ATP2B1: variants seen among roughly 807,000 people sequenced by gnomAD.
ATP2B1 encodes the protein ATPase plasma membrane Ca2+ transporting 1.
In ATP2B1, 14 loss-of-function variants were observed where a neutral mutation model predicts 124.2. The ratio of observed to expected loss-of-function variants is 0.11; its 90% confidence interval spans 0.07 to 0.18. ATP2B1 has a LOEUF of 0.18. Ranked by LOEUF, ATP2B1 falls within the 10% of genes least tolerant of loss-of-function variation. The pLI, the probability that ATP2B1 is intolerant of heterozygous loss-of-function variation, is 1.00. For missense variants in ATP2B1, 763 were observed against 1,466.1 expected, an observed-to-expected ratio of 0.52 and a Z score of 7.83; for synonymous variants, 449 against 492.4, an observed-to-expected ratio of 0.91 and a Z score of 1.17.
In ATP2B1 at chr12:89,589,116, A is replaced by G. The variant is rs1873112688; in HGVS notation, c.*1868T>C. On this transcript the variant is annotated 3_prime_UTR_variant, in exon 21 of 21. Coordinates refer to ENST00000428670, the MANE Select transcript of ATP2B1 (RefSeq NM_001366521.1). The stretch of plus-strand genomic sequence containing the variant: ...ACAATTACAAATGCTGACAGAGCCA[A>G]TGTGTTTCTAAGACCTGCAGAGGAT... The G allele has an allele frequency of 6.6e-6, 1 of 152,652 alleles. No individual in the cohort carries two copies. Among genetic ancestry groups the G allele is most frequent in the Non-Finnish European group, 1.5e-5 (1 of 68,030 alleles). The allele number at this position is 152,652 out of a possible 1,614,324, so 9.5% of individuals were successfully genotyped here. A position where few individuals can be genotyped will look rare whatever the true frequency, so the allele number is the denominator to read the frequency against.
At chr12:89,637,434 C>T (rs1399616600) in intron 3 of ATP2B1, among the ~76,000 whole-genome samples, 1 of 139,254 alleles carries the variant, frequency 7.2e-6, no homozygotes, top group Non-Finnish European at 1.5e-5. Flanking sequence ...TTTTTTGAGA[C>T]AGAGTCTCAC....
intron 1 of ATP2B1, among the ~76,000 whole-genome samples, chr12:89,687,558 C>A (rs988666269): frequency 6.6e-6 from 1 of 151,904 alleles, no homozygotes. Context: ...AATTAATCCC[C>A]CATGGAAACT....
At chr12:89,670,270 AAAT>A (rs2136509031) in intron 1 of ATP2B1, among the ~76,000 whole-genome samples, 1 of 152,300 alleles carries the variant, frequency 6.6e-6, no homozygotes, top group East Asian at 1.9e-4. Context: ...ATTCTTTTCT[AAAT>A]AATAATAAAA....
chr12:89,668,805 T>C (rs377406078), intron 1 of ATP2B1, among the ~76,000 whole-genome samples: 1 of 152,174 alleles, frequency 6.6e-6, no homozygotes, highest in African/African-American at 2.4e-5. Flanking sequence ...TCTCATCCAT[T>C]TGTTCCAATA....
rs1882435283 is a variant in ATP2B1 at position 89,634,820 on chromosome 12, G to C, written c.745C>G (p.His249Asp). Reference sequence around the variant, plus strand: ...TCCTTATCTAAAGACTTTTTAACATGATCTGATTCACCAGTCAATGAGCTT... The same window carrying C: ...TCCTTATCTAAAGACTTTTTAACATCATCTGATTCACCAGTCAATGAGCTT... ...DESSLTGESD[H>D]VKKSLDKDPL... Residue 249 changes from histidine to aspartate, a missense_variant, in exon 5 of 21, where the codon CAT becomes GAT. By Grantham distance (81) the His-to-Asp change is moderately conservative (BLOSUM62 -1). This residue lies in a region of ATP2B1 where 392 missense variants were observed against 776.6 expected (regional missense o/e 0.50). Coordinates refer to ENST00000428670, the MANE Select transcript of ATP2B1 (RefSeq NM_001366521.1). 1 of 1,610,868 alleles carries C rather than the reference G, an allele frequency of 6.2e-7. No individual in the cohort carries two copies. The highest frequency in any genetic ancestry group is 8.5e-7 in the Non-Finnish European group (1 of 1,178,528).
At chr12:89,703,778 A>G (rs1195692946) in intron 1 of ATP2B1, among the ~76,000 whole-genome samples, 1 of 152,162 alleles carries the variant, frequency 6.6e-6, no homozygotes, top group Non-Finnish European at 1.5e-5. Flanking sequence ...GATTGTCACA[A>G]AAACCATCGA....
intron 1 of ATP2B1, among the ~76,000 whole-genome samples, chr12:89,696,430 A>G (rs1891138905): frequency 6.6e-6 from 1 of 152,226 alleles, no homozygotes; most frequent in Admixed American, 6.5e-5. Flanking sequence ...AAAACATCCA[A>G]TAACAAGGGA....
At chr12:89,615,778 A>G (rs997084438) in intron 12 of ATP2B1, among the ~76,000 whole-genome samples, 1 of 152,198 alleles carries the variant, frequency 6.6e-6, no homozygotes, top group Non-Finnish European at 1.5e-5. Flanking sequence ...TTTTAAGCAC[A>G]TGTGTTTTAG....
chr12:89,605,077 A>AT (rs1876575413), intron 15 of ATP2B1, among the ~76,000 whole-genome samples: 1 of 152,212 alleles, frequency 6.6e-6, no homozygotes, highest in Non-Finnish European at 1.5e-5. Flanking sequence ...TCTGACAAAC[A>AT]TAATGCTGAA....
At chr12:89,705,008 A>C (rs1448418659) in intron 1 of ATP2B1, among the ~76,000 whole-genome samples, 1 of 152,146 alleles carries the variant, frequency 6.6e-6, no homozygotes, top group Admixed American at 6.6e-5. Flanking sequence ...TTAAGATATA[A>C]ATGAAATGTG....
chr12:89,617,488 G>A (rs576022637), intron 11 of ATP2B1, among the ~76,000 whole-genome samples: 50 of 152,030 alleles, frequency 3.3e-4, no homozygotes, highest in African/African-American at 1.2e-3. Flanking sequence ...CACCTATATT[G>A]TTTTAACCAT....
chr12:89,604,474 A>G, intron 15 of ATP2B1, 128 bp from the exon 16 acceptor site: 1 of 652,286 alleles, frequency 1.5e-6, no homozygotes, highest in South Asian at 2.5e-5. Context: ...AATTTACACT[A>G]AAAGAAGGTA....
At chr12:89,666,413 T>TAC (rs1208000034) in intron 1 of ATP2B1, among the ~76,000 whole-genome samples, 1 of 152,256 alleles carries the variant, frequency 6.6e-6, no homozygotes, top group Non-Finnish European at 1.5e-5. Flanking sequence ...GGAATTGTTC[T>TAC]ATTTTCAAAA....
At chr12:89,680,145 A>G (rs1469046324) in intron 1 of ATP2B1, among the ~76,000 whole-genome samples, 2 of 152,188 alleles carry the variant, frequency 1.3e-5, no homozygotes, top group African/African-American at 2.4e-5. Flanking sequence ...ACTCCATAGA[A>G]AAGGAACTGG....
intron 1 of ATP2B1, among the ~76,000 whole-genome samples, chr12:89,663,998 GATA>G (rs1235828393): frequency 2.0e-5 from 3 of 152,054 alleles, no homozygotes; most frequent in Non-Finnish European, 2.9e-5. Flanking sequence ...TTCGTTTATT[GATA>G]ATAATAAAAA....
chr12:89,650,363 C>T (rs372755083), intron 2 of ATP2B1, among the ~76,000 whole-genome samples: 1 of 152,190 alleles, frequency 6.6e-6, no homozygotes, highest in South Asian at 2.1e-4. Flanking sequence ...GTCAAACTTA[C>T]ACATTCTTTC....
intron 1 of ATP2B1, among the ~76,000 whole-genome samples, chr12:89,675,959 G>A (rs566681042): frequency 6.6e-6 from 1 of 152,198 alleles, no homozygotes; most frequent in South Asian, 2.1e-4. Flanking sequence ...ATTTAGACTG[G>A]AAGAATTTCT....
chr12:89,628,599 A>G (rs4842668), intron 6 of ATP2B1, among the ~76,000 whole-genome samples: 144,926 of 152,218 alleles, frequency 0.95, 69,068 homozygotes, highest in East Asian at 0.99. Context: ...AAACACAGAA[A>G]GATGAGCATA....
intron 15 of ATP2B1, among the ~76,000 whole-genome samples, 190 bp downstream of exon 15, chr12:89,609,747 A>T (rs1877639531): frequency 6.6e-6 from 1 of 152,244 alleles, no homozygotes; most frequent in South Asian, 2.1e-4. Flanking sequence ...GTCAGATTTC[A>T]TGACATCAAA....
Sources: allele counts gnomAD v4.1 joint callset (sites outside exome capture counted in the v4.1 genomes callset), GRCh38; gene constraint gnomAD v4.1.1; regional missense constraint gnomAD v4.1.1; transcripts MANE v1.5; gene names NCBI Gene and HGNC (gene_info 2026-07-23, HGNC 2026-07-21).